The following PGM3 variants were observed in gnomAD, a reference collection of about 807,000 sequenced individuals.
PGM3 encodes the protein phosphoglucomutase 3, also known as phosphoacetylglucosamine mutase.
In PGM3, 40 loss-of-function variants were observed where a neutral mutation model predicts 66.2. The observed-to-expected ratio is 0.60, with a 90% CI of 0.47 to 0.79. PGM3 has a LOEUF of 0.79. Among genes scored for constraint, PGM3 ranks in the 30% least tolerant of loss-of-function variants. The pLI is 0.00. For synonymous variants in PGM3, 191 were observed against 224.2 expected (o/e 0.85, Z 1.32); for missense variants, 537 against 643.4 (o/e 0.83, Z 1.79).
chr6:83,151,849 T>C, the PGM3 span: 1 of 1,601,352 alleles, frequency 6.2e-7, no homozygotes, highest in Non-Finnish European at 8.5e-7. Context: ...TGCATGTGTG[T>C]ACCATACATA....
chr6:83,172,296 A>G, intron 10 of PGM3, among the ~76,000 whole-genome samples: 1 of 152,136 alleles, frequency 6.6e-6, no homozygotes, highest in East Asian at 1.9e-4. Context: ...GCTACTCAGG[A>G]GAGGCTGAGA....
Position 83,168,593 on chromosome 6 carries a change from T to G in PGM3, c.*641A>C. 1 of 997,856 alleles carries G rather than the reference T, an allele frequency of 1.0e-6. No homozygotes were observed. Among genetic ancestry groups the G allele is most frequent in the Non-Finnish European group, 1.2e-6 (1 of 837,772 alleles). The allele number at this position is 997,856 out of a possible 1,614,324, so 61.8% of individuals were successfully genotyped here. A position where few individuals can be genotyped will look rare whatever the true frequency, so the allele number is the denominator to read the frequency against. ...TCAGAGGCTGGGAAACGTATTATAA[T>G]TAGTTTTTCTCCCACATACCTTCAC... On this transcript the variant is annotated 3_prime_UTR_variant, in exon 13 of 13. Coordinates refer to ENST00000513973, the MANE Select transcript of PGM3 (RefSeq NM_015599.3).
Position 83,166,866 on chromosome 6 carries a change from A to C in PGM3, c.*2368T>G. The C allele has an allele frequency of 1.0e-6, 1 of 995,194 alleles. No homozygotes were observed. The allele number at this position is 995,194 out of a possible 1,614,324, so 61.6% of individuals were successfully genotyped here. A position where few individuals can be genotyped will look rare whatever the true frequency, so the allele number is the denominator to read the frequency against. The stretch of plus-strand genomic sequence containing the variant: ...CTTAGAAGGCAAACTCCATTTGTTA[A>C]TATGACAGATTGTAATTCTGCTTCC... On this transcript the variant is annotated 3_prime_UTR_variant, in exon 13 of 13. Coordinates refer to ENST00000513973, the MANE Select transcript of PGM3 (RefSeq NM_015599.3).
At chr6:83,153,205 T>C in the PGM3 span, among the ~76,000 whole-genome samples, 2 of 152,170 alleles carry the variant, frequency 1.3e-5, no homozygotes, top group Non-Finnish European at 2.9e-5. Flanking sequence ...AAGAATACTA[T>C]AGTTTCTAGT....
In PGM3 at chr6:83,166,427, G is replaced by T; in HGVS notation, c.*2807C>A. On this transcript the variant is annotated 3_prime_UTR_variant, in exon 13 of 13. Transcript: ENST00000513973. ...TTCATTAGCAGTTCCTGGGCCAAAT[G>T]CATTGTTGATGTTGTGTGTTGTCTC... 1.4e-6 allele frequency: 1 copy of T among 701,884 alleles called. No individual in the cohort carries two copies. The allele number at this position is 701,884 out of a possible 1,614,324, so 43.5% of individuals were successfully genotyped here. A position where few individuals can be genotyped will look rare whatever the true frequency, so the allele number is the denominator to read the frequency against.
At position 83,170,289 on chromosome 6, in the gene PGM3, A is replaced by C. The variant is rs1786834094; in HGVS notation, c.1539+16T>G. 1 of 1,612,818 alleles carries C rather than the reference A, an allele frequency of 6.2e-7. No homozygotes were observed. The highest frequency in any genetic ancestry group is 1.7e-5 in the Admixed American group (1 of 59,958). On this transcript the variant is annotated intron_variant, in intron 12 of 12. Coordinates refer to ENST00000513973, the MANE Select transcript of PGM3 (RefSeq NM_015599.3). ...CTAATATTAGGCTCTTTTTCAATAG[A>C]ACTATCCCAGCTTACTTGTGAGTCT...
Position 83,168,736 on chromosome 6 carries a change from C to G in PGM3, c.*498G>C. The G allele has an allele frequency of 1.0e-6, 1 of 997,538 alleles. No homozygotes were observed. The highest frequency in any genetic ancestry group is 1.2e-6 in the Non-Finnish European group (1 of 836,796). The allele number at this position is 997,538 out of a possible 1,614,324, so 61.8% of individuals were successfully genotyped here. ...ACCCCCTATTCATACCTCTGAGTTC[C>G]TGATGGCATTAGTCATATAGGTAAG... is the stretch of plus-strand genomic sequence containing the variant. On this transcript the variant is annotated 3_prime_UTR_variant, in exon 13 of 13. Transcript: ENST00000513973.
intron 4 of PGM3, among the ~76,000 whole-genome samples, chr6:83,186,334 G>C (rs1788577294): frequency 7.2e-5 from 11 of 152,194 alleles, no homozygotes; most frequent in Admixed American, 7.2e-4. Context: ...GGAGGAAACA[G>C]AGAAGGTAAG....
At chr6:83,162,930 CT>C (rs1562389316), downstream of PGM3, 5 of 1,606,472 alleles carry the variant, frequency 3.1e-6, no homozygotes, top group African/African-American at 1.3e-5. Context: ...GTATCGCATT[CT>C]TTTGTGATTG....
downstream of PGM3, chr6:83,164,607 A>G (rs149272904): frequency 0.018 from 27,072 of 1,513,080 alleles, 370 homozygotes; most frequent in Admixed American, 0.061. Flanking sequence ...TTCATGGCCA[A>G]GCATACTTTT....
chr6:83,175,574 T>C (rs1424872506), intron 9 of PGM3, among the ~76,000 whole-genome samples: 1 of 152,216 alleles, frequency 6.6e-6, no homozygotes, highest in Non-Finnish European at 1.5e-5. Flanking sequence ...TATCACTAGT[T>C]ACCTTAAATT....
intron 7 of PGM3, among the ~76,000 whole-genome samples, chr6:83,179,276 C>A (rs907826147): frequency 6.8e-6 from 1 of 147,812 alleles, no homozygotes; most frequent in Non-Finnish European, 1.5e-5. Flanking sequence ...CACGCCCCTG[C>A]ACTCCAGCCT....
downstream of PGM3, among the ~76,000 whole-genome samples, chr6:83,162,161 A>T (rs949091204): frequency 1.3e-5 from 2 of 152,182 alleles, no homozygotes. Flanking sequence ...GAAGCTGACA[A>T]CATTGATGAA....
chr6:83,181,640 G>T, intron 6 of PGM3, 96 bp downstream of exon 6: 1 of 823,272 alleles, frequency 1.2e-6, no homozygotes, highest in Non-Finnish European at 1.9e-6. Context: ...AGGAATAGCT[G>T]CAAGATTCTT....
At chr6:83,187,558 A>T (rs2128504981) in intron 3 of PGM3, among the ~76,000 whole-genome samples, 1 of 152,356 alleles carries the variant, frequency 6.6e-6, no homozygotes, top group Admixed American at 6.5e-5. Context: ...TCACACCTGT[A>T]ATCCCAGCAC....
intron 8 of PGM3, 65 bp downstream of exon 8, chr6:83,178,608 G>C: frequency 1.1e-6 from 1 of 879,596 alleles, no homozygotes. Flanking sequence ...TATGAGGGCA[G>C]TATCTTTCTC....
chr6:83,165,450 T>C lies in PGM3; in HGVS notation c.*3784A>G, dbSNP rs1785241848. On this transcript the variant is annotated 3_prime_UTR_variant, in exon 13 of 13. Transcript: ENST00000513973. ...AGTTTGGTGCAAAAGTAATTGCTGTTTGGGACCATGAATTTTAAGTCATTA... is the reference window on the plus strand; with the variant it reads ...AGTTTGGTGCAAAAGTAATTGCTGTCTGGGACCATGAATTTTAAGTCATTA... 1 of 153,152 alleles carries C rather than the reference T, an allele frequency of 6.5e-6. No individual in the cohort carries two copies. The highest frequency in any genetic ancestry group is 2.4e-5 in the African/African-American group (1 of 41,474). 9.5% of individuals were successfully genotyped at this position (153,152 alleles called of 1,614,324 possible).
At chr6:83,185,778 A>C (rs1788537265) in intron 4 of PGM3, among the ~76,000 whole-genome samples, 1 of 152,078 alleles carries the variant, frequency 6.6e-6, no homozygotes, top group Non-Finnish European at 1.5e-5. Flanking sequence ...TAAATAAATA[A>C]GTAAATAAAT....
At chr6:83,169,502 A>C (rs1562406043) in intron 12 of PGM3, 179 bp from the exon 13 acceptor site, 1 of 674,944 alleles carries the variant, frequency 1.5e-6, no homozygotes, top group Non-Finnish European at 2.4e-6. Flanking sequence ...GCCCTTAAAT[A>C]AACGGAAAAC....
Sources: gnomAD v4.1 joint callset for allele counts (sites outside exome capture counted in the v4.1 genomes callset) on GRCh38, gnomAD v4.1.1 for gene constraint, MANE v1.5 for transcripts, NCBI Gene and HGNC (gene_info 2026-07-23, HGNC 2026-07-21) for gene names.